The following FRMD4A variants were observed in gnomAD, a reference collection of about 807,000 sequenced individuals.
FRMD4A encodes FERM domain-containing protein 4A.
FRMD4A carries 29 observed loss-of-function variants against 129.1 expected under a neutral mutation model. That is an observed-to-expected ratio of 0.22 (90% CI 0.17 to 0.31). The LOEUF is 0.31. Among genes scored for constraint, FRMD4A ranks in the 10% least tolerant of loss-of-function variants. The pLI, the probability that FRMD4A is intolerant of heterozygous loss-of-function variation, is 1.00. For synonymous variants in FRMD4A, 634 were observed against 571.6 expected (o/e 1.11, Z -1.56); for missense variants, 1,272 against 1,375.8 (o/e 0.92, Z 1.19).
At chr10:14,121,266 G>C (rs529004380) in intron 2 of FRMD4A, among the ~76,000 whole-genome samples, 1 of 152,346 alleles carries the variant, frequency 6.6e-6, no homozygotes, top group Non-Finnish European at 1.5e-5. Flanking sequence ...TACTTGGAAG[G>C]CTTAGACAGG....
At chr10:14,177,398 C>T (rs1841769303) in intron 2 of FRMD4A, among the ~76,000 whole-genome samples, 1 of 152,028 alleles carries the variant, frequency 6.6e-6, no homozygotes, top group African/African-American at 2.4e-5. Context: ...GTCTTGAACA[C>T]CTGGCCACAA....
chr10:13,793,180 T>C (rs998871049), intron 5 of FRMD4A, among the ~76,000 whole-genome samples: 37 of 151,848 alleles, frequency 2.4e-4, no homozygotes, highest in South Asian at 4.2e-4. Flanking sequence ...TTCTTTTTTT[T>C]TTTTTTTGTG....
At chr10:14,283,890 T>A (rs1438801077) in intron 2 of FRMD4A, among the ~76,000 whole-genome samples, 1 of 152,202 alleles carries the variant, frequency 6.6e-6, no homozygotes, top group Non-Finnish European at 1.5e-5. Context: ...CAAACATAGA[T>A]CATCTCAATT....
chr10:13,820,714 G>A (rs1012994026), intron 3 of FRMD4A, among the ~76,000 whole-genome samples: 1 of 152,204 alleles, frequency 6.6e-6, no homozygotes, highest in Non-Finnish European at 1.5e-5. Context: ...CCCAGTGACT[G>A]CTAAGCTGCC....
intron 3 of FRMD4A, among the ~76,000 whole-genome samples, chr10:13,839,842 C>A (rs1341144334): frequency 6.6e-6 from 1 of 152,188 alleles, no homozygotes; most frequent in Non-Finnish European, 1.5e-5. Context: ...CAGCTGGAGG[C>A]CCGACTTTCC....
rs542086766 is a variant in FRMD4A at position 14,089,733 on chromosome 10, T to G, written c.46-230821A>C. Among the ~76,000 whole-genome samples the G allele has an allele frequency of 4.0e-5, 6 of 151,794 alleles. No homozygotes were observed. The South Asian group carries it at 1.3e-3, about 32-fold the overall frequency. Reference sequence around the variant, plus strand: ...TGTGGGAAAATACCTCCCCGGCCCGTAGAGAGACGCCATCACCAACAGTGT... The same window carrying G: ...TGTGGGAAAATACCTCCCCGGCCCGGAGAGAGACGCCATCACCAACAGTGT... On this transcript the variant is annotated intron_variant, in intron 2 of 24. Transcript: ENST00000357447.
At chr10:14,031,875 T>A (rs1250394971) in intron 2 of FRMD4A, among the ~76,000 whole-genome samples, 1 of 109,566 alleles carries the variant, frequency 9.1e-6, no homozygotes, top group Non-Finnish European at 1.8e-5. Context: ...TGACTTAGAT[T>A]TTTTTTTTTT....
intron 2 of FRMD4A, among the ~76,000 whole-genome samples, chr10:14,070,436 T>C (rs574373254): frequency 9.2e-5 from 14 of 152,312 alleles, no homozygotes; most frequent in East Asian, 5.8e-4. Context: ...GCTATCAATA[T>C]TTTATTATCG....
At chr10:13,731,160 G>A (rs1291468224) in intron 12 of FRMD4A, among the ~76,000 whole-genome samples, 3 of 151,974 alleles carry the variant, frequency 2.0e-5, no homozygotes, top group Non-Finnish European at 2.9e-5. Context: ...AATTCCAACC[G>A]TAGCCATGAC....
chr10:13,650,992 C>G (rs998168162), intron 24 of FRMD4A: 1 of 152,202 alleles, frequency 6.6e-6, no homozygotes, highest in African/African-American at 2.4e-5. Flanking sequence ...TTCTCATGCT[C>G]CTTGTATATC....
intron 2 of FRMD4A, among the ~76,000 whole-genome samples, chr10:14,113,950 C>G (rs941939665): frequency 1.2e-4 from 18 of 152,198 alleles, no homozygotes; most frequent in African/African-American, 4.3e-4. Context: ...ACCCCCAGCC[C>G]ATCCTATCGC....
intron 3 of FRMD4A, among the ~76,000 whole-genome samples, chr10:13,848,921 T>C (rs2094099816): frequency 6.6e-6 from 1 of 152,204 alleles, no homozygotes; most frequent in African/African-American, 2.4e-5. Flanking sequence ...GCGTTTTTTA[T>C]TACAAATAGA....
chr10:13,869,452 G>A (rs1323284227), intron 2 of FRMD4A, among the ~76,000 whole-genome samples: 1 of 152,266 alleles, frequency 6.6e-6, no homozygotes, highest in East Asian at 1.9e-4. Flanking sequence ...AGATGTGGAA[G>A]GCCAAGATTC....
chr10:14,215,233 T>C (rs1007787881), intron 2 of FRMD4A, among the ~76,000 whole-genome samples: 13 of 152,290 alleles, frequency 8.5e-5, no homozygotes, highest in East Asian at 1.9e-4. Context: ...TTAAATTCCA[T>C]GTGTACAGTT....
intron 2 of FRMD4A, among the ~76,000 whole-genome samples, chr10:14,317,169 T>G (rs1017229402): frequency 6.6e-6 from 1 of 152,232 alleles, no homozygotes; most frequent in Non-Finnish European, 1.5e-5. Context: ...AAATCATTGA[T>G]GACTATTTGT....
chr10:14,028,087 G>A (rs559432140), intron 2 of FRMD4A, among the ~76,000 whole-genome samples: 72 of 152,326 alleles, frequency 4.7e-4, no homozygotes, highest in African/African-American at 1.7e-3. Context: ...TGGGCCGATC[G>A]ATTGTGGATG....
intron 2 of FRMD4A, among the ~76,000 whole-genome samples, chr10:14,066,603 A>T (rs974820391): frequency 6.6e-6 from 1 of 152,170 alleles, no homozygotes; most frequent in Non-Finnish European, 1.5e-5. Context: ...ACAGCATCCA[A>T]AGAATTCAGA....
intron 2 of FRMD4A, among the ~76,000 whole-genome samples, chr10:14,030,339 C>G (rs1329020773): frequency 6.6e-6 from 1 of 152,176 alleles, no homozygotes; most frequent in Non-Finnish European, 1.5e-5. Context: ...TTAGCTTGAT[C>G]CTGGTGATTA....
rs942503627 is a variant in FRMD4A at position 14,128,065 on chromosome 10, T to C, written c.45+201993A>G. Among the ~76,000 whole-genome samples, 271 of 89,090 alleles carry C rather than the reference T, an allele frequency of 3.0e-3. 4 individuals are homozygous for C. The highest frequency in any genetic ancestry group is 8.8e-3 in the African/African-American group (194 of 22,110). The allele number at this position is 89,090 out of a possible 152,430, so 58.4% of individuals were successfully genotyped here. On this transcript the variant is annotated intron_variant, in intron 2 of 24. Coordinates refer to ENST00000357447, the MANE Select transcript of FRMD4A (RefSeq NM_018027.5). ...CTTTCCCTCTTTCTTTCTTTCTTTC[T>C]TTCTTTCTTTCTTTCTTTCTTTCTT...
Sources: gnomAD v4.1 joint callset for allele counts (sites outside exome capture counted in the v4.1 genomes callset) on GRCh38, gnomAD v4.1.1 for gene constraint, MANE v1.5 for transcripts, NCBI Gene and HGNC (gene_info 2026-07-23, HGNC 2026-07-21) for gene names.